The following CDK14 variants were observed in gnomAD, a reference collection of about 807,000 sequenced individuals.
CDK14 encodes the protein cyclin-dependent kinase 14.
A neutral mutation model predicts 60.7 loss-of-function variants in CDK14; 34 were observed. The ratio of observed to expected loss-of-function variants is 0.56; its 90% CI spans 0.43 to 0.75. CDK14 has a LOEUF of 0.75. CDK14 is among the 30% of genes least tolerant of loss of function. CDK14 has a pLI of 0.00. For synonymous variants in CDK14, 197 were observed against 203.7 expected (o/e 0.97, Z 0.28); for missense variants, 482 against 564.1 (o/e 0.85, Z 1.47).
chr7:91,104,862 G>A (rs2116326516), intron 12 of CDK14, among the ~76,000 whole-genome samples: 1 of 152,290 alleles, frequency 6.6e-6, no homozygotes, highest in Middle Eastern at 3.4e-3. Flanking sequence ...ATGGGGCAAT[G>A]AAAGAATACC....
intron 10 of CDK14, among the ~76,000 whole-genome samples, chr7:91,035,209 A>G (rs537841812): frequency 6.6e-6 from 1 of 152,304 alleles, no homozygotes; most frequent in South Asian, 2.1e-4. Flanking sequence ...ATATATGGGC[A>G]TCTGTGTGAC....
chr7:91,010,835 C>CCTTCCTTCCTTCTTT (rs1562867326), intron 10 of CDK14, among the ~76,000 whole-genome samples: 5 of 45,828 alleles, frequency 1.1e-4, no homozygotes, highest in African/African-American at 4.2e-4. Flanking sequence ...CTTCCTTCCT[C>CCTTCCTTCCTTCTTT]CCTCCCTCCC....
intron 11 of CDK14, among the ~76,000 whole-genome samples, chr7:91,046,829 G>T (rs1797252280): frequency 6.6e-6 from 1 of 152,072 alleles, no homozygotes; most frequent in Non-Finnish European, 1.5e-5. Flanking sequence ...ATATCTGTTA[G>T]AGGAGCCAAG....
intron 8 of CDK14, among the ~76,000 whole-genome samples, chr7:90,918,499 G>C (rs1392733843): frequency 1.3e-5 from 2 of 152,202 alleles, no homozygotes; most frequent in African/African-American, 4.8e-5. Flanking sequence ...TCTTGATCAA[G>C]GTTGACGTTT....
chr7:91,022,010 G>A (rs1796444496), intron 10 of CDK14, among the ~76,000 whole-genome samples: 2 of 152,152 alleles, frequency 1.3e-5, no homozygotes, highest in Non-Finnish European at 2.9e-5. Flanking sequence ...CCCACAAAGA[G>A]GGGGCCTGAC....
chr7:91,207,057 C>A (rs1025740172), intron 14 of CDK14, 108 bp from the exon 15 acceptor site: 10 of 152,050 alleles, frequency 6.6e-5, no homozygotes, highest in Non-Finnish European at 1.0e-4. Flanking sequence ...CTGTGGGGAA[C>A]ATCAGTGGAC....
chr7:90,836,105 C>A lies in CDK14; in HGVS notation c.545-27070C>A, dbSNP rs1057155681. Among the ~76,000 whole-genome samples the A allele has an allele frequency of 3.3e-5, 5 of 152,114 alleles. No individual in the cohort carries two copies. In the East Asian group the frequency reaches 9.6e-4, roughly 29 times the overall value. Reference sequence around the variant, plus strand: ...AGTAATGAGTGAATATGAAGGCCTACTATACTACTGTAGACTTTATAAATA... The same window carrying A: ...AGTAATGAGTGAATATGAAGGCCTAATATACTACTGTAGACTTTATAAATA... On this transcript the variant is annotated intron_variant, in intron 5 of 14. Transcript: ENST00000380050.
rs1268013309 is a variant in CDK14 at position 90,773,200 on chromosome 7, A to T, written c.465-17373A>T. On this transcript the variant is annotated intron_variant, in intron 4 of 14. Coordinates refer to ENST00000380050, the MANE Select transcript of CDK14 (RefSeq NM_001287135.2). ...GTTATAAGCAGAGTACTTTTGATGA[A>T]CAAAGGAGTAGTATAAGAGTGTGGA... is the stretch of plus-strand genomic sequence containing the variant. Among the ~76,000 whole-genome samples the T allele has an allele frequency of 2.0e-5, 3 of 152,208 alleles. No individual in the cohort carries two copies. In the East Asian group the frequency reaches 5.8e-4, roughly 29 times the overall value.
intron 2 of CDK14, chr7:90,666,304 A>T (rs1188714240): frequency 2.0e-5 from 3 of 152,234 alleles, no homozygotes; most frequent in Non-Finnish European, 4.4e-5. Context: ...ATCAGGGTTA[A>T]TGTTAAAAAA....
chr7:90,968,008 G>A (rs1412732797), intron 9 of CDK14, among the ~76,000 whole-genome samples: 3 of 152,220 alleles, frequency 2.0e-5, no homozygotes, highest in South Asian at 2.1e-4. Flanking sequence ...AAGGATGGAC[G>A]TGGAGAATTC....
chr7:90,942,610 G>A (rs555669594), intron 8 of CDK14, among the ~76,000 whole-genome samples: 2 of 152,260 alleles, frequency 1.3e-5, no homozygotes, highest in South Asian at 4.1e-4. Flanking sequence ...AGTTCTCTGA[G>A]TTCCTGAAAA....
At chr7:90,631,220 G>A (rs1316619505) in intron 2 of CDK14, among the ~76,000 whole-genome samples, 2 of 152,164 alleles carry the variant, frequency 1.3e-5, no homozygotes, top group Non-Finnish European at 2.9e-5. Flanking sequence ...GTCATGATGT[G>A]ATAAGTCACA....
At chr7:91,151,720 C>G (rs768901294) in intron 14 of CDK14, among the ~76,000 whole-genome samples, 1 of 152,142 alleles carries the variant, frequency 6.6e-6, no homozygotes, top group Non-Finnish European at 1.5e-5. Context: ...AAATGCTTCC[C>G]TTTTCTCTGC....
chr7:90,599,068 G>A (rs992980532), intron 1 of CDK14, among the ~76,000 whole-genome samples: 1 of 152,216 alleles, frequency 6.6e-6, no homozygotes, highest in African/African-American at 2.4e-5. Flanking sequence ...ATTATATAGT[G>A]CATGAGTTAA....
At chr7:90,744,466 G>T (rs935410421) in intron 3 of CDK14, among the ~76,000 whole-genome samples, 1 of 152,138 alleles carries the variant, frequency 6.6e-6, no homozygotes, top group African/African-American at 2.4e-5. Context: ...CACTTTTCCC[G>T]CCTTTCTATT....
chr7:91,111,171 T>C (rs1370191810), intron 12 of CDK14, among the ~76,000 whole-genome samples: 4 of 152,124 alleles, frequency 2.6e-5, no homozygotes, highest in African/African-American at 9.7e-5. Flanking sequence ...GTCTCTTAGT[T>C]TGGATCTTTG....
At chr7:91,068,284 A>C in intron 11 of CDK14, among the ~76,000 whole-genome samples, 1 of 152,214 alleles carries the variant, frequency 6.6e-6, no homozygotes, top group East Asian at 1.9e-4. Flanking sequence ...CTGTAGAACA[A>C]TGGATGTTTG....
At chr7:90,819,433 T>C (rs908006080) in intron 5 of CDK14, among the ~76,000 whole-genome samples, 32 of 152,084 alleles carry the variant, frequency 2.1e-4, no homozygotes, top group Admixed American at 1.0e-3. Flanking sequence ...ATGCCTATTT[T>C]AGATAACTCA....
intron 10 of CDK14, among the ~76,000 whole-genome samples, chr7:90,987,908 A>G (rs1210700908): frequency 6.6e-6 from 1 of 152,140 alleles, no homozygotes; most frequent in African/African-American, 2.4e-5. Flanking sequence ...TTGTAAAGTC[A>G]TGAAACATGG....
Sources: gnomAD v4.1 joint callset for allele counts (sites outside exome capture counted in the v4.1 genomes callset) on GRCh38, gnomAD v4.1.1 for gene constraint, MANE v1.5 for transcripts, NCBI Gene and HGNC (gene_info 2026-07-23, HGNC 2026-07-21) for gene names.